CIMIP7: variants seen among roughly 807,000 people sequenced by gnomAD.
The protein encoded by CIMIP7 is uncharacterized protein C3orf84.
chr3:49,183,689 G>T, the CIMIP7 span, among the ~76,000 whole-genome samples: 1 of 152,130 alleles, frequency 6.6e-6, no homozygotes, highest in South Asian at 2.1e-4. Flanking sequence ...CACTAAACAT[G>T]CAACTACCAC....
the CIMIP7 span, among the ~76,000 whole-genome samples, chr3:49,187,048 T>TTTC: frequency 6.6e-6 from 1 of 152,240 alleles, no homozygotes; most frequent in Non-Finnish European, 1.5e-5. Flanking sequence ...AGCCCTAGAA[T>TTTC]GTACATGTCT....
chr3:49,178,605 T>A, the CIMIP7 span: 1 of 1,405,038 alleles, frequency 7.1e-7, no homozygotes, highest in Non-Finnish European at 1.0e-6. Context: ...CTTACCTGGA[T>A]CACTGCCTCA....
the CIMIP7 span, among the ~76,000 whole-genome samples, chr3:49,189,590 C>T: frequency 4.6e-5 from 7 of 152,234 alleles, no homozygotes; most frequent in Non-Finnish European, 1.0e-4. Context: ...CAGTAACCAG[C>T]TGCCTCCTGT....
the CIMIP7 span, among the ~76,000 whole-genome samples, chr3:49,181,377 G>T: frequency 4.1e-4 from 61 of 149,854 alleles, no homozygotes; most frequent in African/African-American, 1.5e-3. Context: ...CTGAGGCCGT[G>T]CAGTGGCTTA....
At chr3:49,182,023 TC>T in the CIMIP7 span, among the ~76,000 whole-genome samples, 1 of 151,996 alleles carries the variant, frequency 6.6e-6, no homozygotes, top group Non-Finnish European at 1.5e-5. Flanking sequence ...AGGCGGCGCG[TC>T]TGGAGTTGTT....
At chr3:49,186,992 C>T in the CIMIP7 span, among the ~76,000 whole-genome samples, 1 of 152,028 alleles carries the variant, frequency 6.6e-6, no homozygotes, top group Non-Finnish European at 1.5e-5. Context: ...TTCAATTGAC[C>T]CCCAAATTTC....
the CIMIP7 span, among the ~76,000 whole-genome samples, chr3:49,190,776 C>A: frequency 6.8e-6 from 1 of 146,722 alleles, no homozygotes; most frequent in Non-Finnish European, 1.5e-5. Flanking sequence ...TCAATCAATT[C>A]TCCTGCTTCA....
At chr3:49,184,258 C>T in the CIMIP7 span, among the ~76,000 whole-genome samples, 36 of 152,160 alleles carry the variant, frequency 2.4e-4, no homozygotes, top group Non-Finnish European at 4.7e-4. Context: ...CTTGGCCTCC[C>T]AAAGTGCTGG....
chr3:49,178,158 G>C, the CIMIP7 span: 2 of 1,100,984 alleles, frequency 1.8e-6, no homozygotes, highest in Non-Finnish European at 2.5e-6. Context: ...ATGCCTGGCT[G>C]TCTTGGCCTG....
the CIMIP7 span, chr3:49,191,767 T>C: frequency 6.4e-7 from 1 of 1,568,952 alleles, no homozygotes. Context: ...TAAAGCACTT[T>C]GCATCTTTCC....
At chr3:49,189,962 T>C in the CIMIP7 span, 31 of 1,203,824 alleles carry the variant, frequency 2.6e-5, no homozygotes, top group South Asian at 3.5e-4. Context: ...ATGATGCTTT[T>C]GGGTTCTGGG....
chr3:49,177,764 G>A, the CIMIP7 span: 6 of 1,610,076 alleles, frequency 3.7e-6, no homozygotes, highest in Non-Finnish European at 4.2e-6. Flanking sequence ...ACCGGCGCCT[G>A]GGGCCCTACC....
chr3:49,180,184 G>A, the CIMIP7 span, among the ~76,000 whole-genome samples: 1 of 152,184 alleles, frequency 6.6e-6, no homozygotes. Flanking sequence ...GCTGAAGCAG[G>A]AGAATTGCTT....
the CIMIP7 span, among the ~76,000 whole-genome samples, chr3:49,188,811 T>C: frequency 6.6e-6 from 1 of 152,110 alleles, no homozygotes; most frequent in Admixed American, 6.6e-5. Context: ...GTTATTTCAT[T>C]TTTTGAGACC....
the CIMIP7 span, among the ~76,000 whole-genome samples, chr3:49,180,822 C>G: frequency 6.8e-6 from 1 of 146,408 alleles, no homozygotes; most frequent in East Asian, 2.1e-4. Flanking sequence ...CCCAGCTACT[C>G]GGGAGGTTGA....
chr3:49,184,609 C>T, the CIMIP7 span, among the ~76,000 whole-genome samples: 7 of 151,612 alleles, frequency 4.6e-5, no homozygotes, highest in Non-Finnish European at 7.4e-5. Context: ...CATGACCCAC[C>T]GCACCTGGCC....
At chr3:49,185,265 A>G in the CIMIP7 span, among the ~76,000 whole-genome samples, 7 of 145,906 alleles carry the variant, frequency 4.8e-5, no homozygotes, top group Admixed American at 1.4e-4. Context: ...TGTCTTAAAG[A>G]AAAAAAAAAA....
chr3:49,190,903 G>A, the CIMIP7 span, among the ~76,000 whole-genome samples: 11 of 151,912 alleles, frequency 7.2e-5, no homozygotes, highest in Non-Finnish European at 5.9e-5. Context: ...TCCTGACCTC[G>A]TGATCTGCCC....
chr3:49,178,454 T>C, the CIMIP7 span: 2 of 1,609,128 alleles, frequency 1.2e-6, no homozygotes, highest in Non-Finnish European at 1.7e-6. Flanking sequence ...GGGGACTGCC[T>C]GCCATTCTTC....
Sources: gnomAD v4.1 joint callset for allele counts (sites outside exome capture counted in the v4.1 genomes callset) on GRCh38, gnomAD v4.1.1 for gene constraint, MANE v1.5 for transcripts, NCBI Gene and HGNC (gene_info 2026-07-23, HGNC 2026-07-21) for gene names.